The following UBE4B variants were observed in gnomAD, a reference collection of about 807,000 sequenced individuals.
UBE4B encodes the protein ubiquitination factor E4B.
In UBE4B, 27 loss-of-function variants were observed where a neutral mutation model predicts 148.1. The observed-to-expected ratio is 0.18, with a 90% CI of 0.13 to 0.25. The LOEUF (loss-of-function observed/expected upper bound fraction) is 0.25. Among genes scored for constraint, UBE4B ranks in the 10% least tolerant of loss-of-function variants. UBE4B has a pLI of 1.00. For missense variants in UBE4B, 1,170 were observed against 1,662.4 expected (o/e 0.70, Z 5.15); for synonymous variants, 596 against 619.3 (o/e 0.96, Z 0.56).
At chr1:10,138,331 T>C (rs772960651) in intron 17 of UBE4B, among the ~76,000 whole-genome samples, 1 of 151,992 alleles carries the variant, frequency 6.6e-6, no homozygotes, top group Non-Finnish European at 1.5e-5. Flanking sequence ...TCTCCTGACC[T>C]CGTGATCCGC....
At chr1:10,147,319 C>G (rs528104344) in intron 19 of UBE4B, among the ~76,000 whole-genome samples, 1 of 152,058 alleles carries the variant, frequency 6.6e-6, no homozygotes, top group Non-Finnish European at 1.5e-5. Flanking sequence ...ATGGCGAAAC[C>G]GTGTCTCTAC....
chr1:10,174,938 C>T (rs1036693523), intron 25 of UBE4B, among the ~76,000 whole-genome samples: 1 of 152,076 alleles, frequency 6.6e-6, no homozygotes, highest in African/African-American at 2.4e-5. Flanking sequence ...GCAGCAGTAT[C>T]TTAGTTTGCT....
chr1:10,093,798 GA>G lies in UBE4B; in HGVS notation c.212-1662del, dbSNP rs1490465578. ...CAACCTCCGCCTCCCAAGTTAATGC[GA>G]TTCTCCTGCCTGAACCTCCCAAGTA... On this transcript the variant is annotated intron_variant, in intron 2 of 27. Coordinates refer to ENST00000343090, the MANE Select transcript of UBE4B (RefSeq NM_001105562.3). 3.3e-5 allele frequency among the ~76,000 whole-genome samples: 5 copies of G among 151,654 alleles called. No homozygotes were observed. In the East Asian group the frequency reaches 9.7e-4, roughly 30 times the overall value.
chr1:10,155,897 G>A (rs1341812956), intron 21 of UBE4B, among the ~76,000 whole-genome samples: 1 of 152,106 alleles, frequency 6.6e-6, no homozygotes, highest in Non-Finnish European at 1.5e-5. Flanking sequence ...GGTGGTGGGG[G>A]CCTGTAATGC....
At chr1:10,171,037 T>C (rs1400965139) in intron 24 of UBE4B, 101 bp from the exon 25 acceptor site, 1 of 1,282,740 alleles carries the variant, frequency 7.8e-7, no homozygotes, top group Non-Finnish European at 1.1e-6. Flanking sequence ...TCTTTGAAGA[T>C]TAATCCAACC....
chr1:10,177,299 C>T (rs958333204), intron 25 of UBE4B, among the ~76,000 whole-genome samples: 1 of 151,814 alleles, frequency 6.6e-6, no homozygotes, highest in Admixed American at 6.6e-5. Flanking sequence ...GTGGGCAGAT[C>T]ACTTGAGGTC....
chr1:10,054,653 C>G, intron 1 of UBE4B: 1 of 260,174 alleles, frequency 3.8e-6, no homozygotes, highest in Non-Finnish European at 7.6e-6. Context: ...TGCCATTGTT[C>G]ATTTACTACA....
At chr1:10,082,368 G>T (rs1427533528) in intron 2 of UBE4B, among the ~76,000 whole-genome samples, 2 of 152,052 alleles carry the variant, frequency 1.3e-5, no homozygotes, top group African/African-American at 4.8e-5. Context: ...AGGCATGGTA[G>T]TGCGCACCTG....
chr1:10,044,685 G>A (rs143382300), intron 1 of UBE4B, among the ~76,000 whole-genome samples: 341 of 151,882 alleles, frequency 2.2e-3, no homozygotes, highest in Middle Eastern at 0.014. Context: ...GGGCTCAAGC[G>A]ATCCTCCCAC....
chr1:10,066,546 G>A (rs1335526385), intron 1 of UBE4B, among the ~76,000 whole-genome samples: 1 of 152,010 alleles, frequency 6.6e-6, no homozygotes. Context: ...CTGTGAAATT[G>A]TCATAGCATT....
At chr1:10,169,796 C>T (rs944542560) in intron 24 of UBE4B, among the ~76,000 whole-genome samples, 5 of 152,170 alleles carry the variant, frequency 3.3e-5, no homozygotes, top group Non-Finnish European at 7.4e-5. Flanking sequence ...GGGTGGATCA[C>T]CTGAGGTCAG....
intron 21 of UBE4B, among the ~76,000 whole-genome samples, chr1:10,155,843 C>T (rs770145784): frequency 3.3e-5 from 5 of 152,028 alleles, no homozygotes; most frequent in Admixed American, 6.6e-5. Flanking sequence ...GCCAACATGG[C>T]GAAACCCTGT....
intron 2 of UBE4B, among the ~76,000 whole-genome samples, chr1:10,080,291 G>A (rs1340710323): frequency 6.6e-6 from 1 of 151,882 alleles, no homozygotes; most frequent in African/African-American, 2.4e-5. Context: ...ATGGTGGCGG[G>A]TGCCTGTAAT....
At position 10,094,675 on chromosome 1, in the gene UBE4B, T is replaced by C. The variant is rs191141435; in HGVS notation, c.212-786T>C. The stretch of plus-strand genomic sequence containing the variant: ...GGTCTCAATCTCCTGACCTTGTGAT[T>C]CACCCGCCTCGACCTCCCAAAATGG... On this transcript the variant is annotated intron_variant, in intron 2 of 27. Coordinates refer to ENST00000343090, the MANE Select transcript of UBE4B (RefSeq NM_001105562.3). Among the ~76,000 whole-genome samples, 140 of 152,118 alleles carry C rather than the reference T, an allele frequency of 9.2e-4. 2 individuals carry two copies. The East Asian group carries it at 0.02, about 22-fold the overall frequency.
At chr1:10,118,152 C>T (rs1256483624) in intron 8 of UBE4B, among the ~76,000 whole-genome samples, 1 of 152,132 alleles carries the variant, frequency 6.6e-6, no homozygotes, top group African/African-American at 2.4e-5. Context: ...CTTTTCCCAT[C>T]ACTTCTCTTG....
intron 7 of UBE4B, among the ~76,000 whole-genome samples, chr1:10,113,199 G>A (rs1292102654): frequency 6.6e-6 from 1 of 152,142 alleles, no homozygotes; most frequent in Admixed American, 6.6e-5. Flanking sequence ...GCGAGAGCAG[G>A]AGCAACAGAG....
In UBE4B at chr1:10,117,565, G is replaced by A; in HGVS notation, c.1303G>A (p.Asp435Asn). 1 of 1,604,836 alleles carries A rather than the reference G, an allele frequency of 6.2e-7. No individual in the cohort carries two copies. ...DMLNYLIECF[D>N]RVGIEEKKAP... is the part of the protein sequence containing the mutation. ...GCTGAACTACCTCATCGAGTGTTTC[G>A]ACCGAGTTGGAATAGAGGAAAAAAA... The change falls in exon 8 of 28, where the codon GAC becomes AAC. Residue 435 changes from aspartate (D) to asparagine (N), a missense_variant. Asp to Asn is a conservative substitution (Grantham distance 23). This residue lies in a region of UBE4B where 388 missense variants were observed against 536.0 expected (regional missense o/e 0.72). Coordinates refer to ENST00000343090, the MANE Select transcript of UBE4B (RefSeq NM_001105562.3).
At chr1:10,067,111 G>A (rs1644400098) in intron 1 of UBE4B, among the ~76,000 whole-genome samples, 1 of 152,124 alleles carries the variant, frequency 6.6e-6, no homozygotes, top group South Asian at 2.1e-4. Flanking sequence ...CTAAAAATAA[G>A]AGGAACAGTT....
In UBE4B at chr1:10,088,741, G is replaced by A. The variant is rs189798500; in HGVS notation, c.212-6720G>A. Among the ~76,000 whole-genome samples, 48 of 150,398 alleles carry A rather than the reference G, an allele frequency of 3.2e-4. 1 individual carries two copies. The highest frequency in any genetic ancestry group is 2.8e-3 in the Admixed American group (42 of 15,078). ...GTCACCCAGGCTGGGGGACAGTGAC[G>A]CAATCATGGCTCACTGCAAGCTTGA... On this transcript the variant is annotated intron_variant, in intron 2 of 27. Coordinates refer to ENST00000343090, the MANE Select transcript of UBE4B (RefSeq NM_001105562.3).
Sources: allele counts gnomAD v4.1 joint callset (sites outside exome capture counted in the v4.1 genomes callset), GRCh38; gene constraint gnomAD v4.1.1; regional missense constraint gnomAD v4.1.1; transcripts MANE v1.5; gene names NCBI Gene and HGNC (gene_info 2026-07-23, HGNC 2026-07-21).